The following DNAJC3 variants were observed in gnomAD, a reference collection of about 807,000 sequenced individuals.
DNAJC3 encodes DnaJ heat shock protein family (Hsp40) member C3.
Under a neutral mutation model 68.6 loss-of-function variants are expected in DNAJC3, and 38 were observed. That is an observed-to-expected ratio of 0.55 (90% confidence interval 0.43 to 0.73). DNAJC3 has a LOEUF of 0.73. Ranked by LOEUF, DNAJC3 falls within the 30% of genes least tolerant of loss-of-function variation. The pLI, the probability that DNAJC3 is intolerant of heterozygous loss-of-function variation, is 0.00. For synonymous variants in DNAJC3, 203 were observed against 204.0 expected (o/e 1.00, Z 0.04); for missense variants, 526 against 591.9 (o/e 0.89, Z 1.16).
intron 1 of DNAJC3, chr13:95,693,185 G>A (rs914637323): frequency 4.6e-5 from 7 of 152,164 alleles, no homozygotes; most frequent in African/African-American, 1.7e-4. Flanking sequence ...CAACCTCAAC[G>A]ATGAACAAGA....
At chr13:95,705,554 G>A (rs1305045332) in intron 1 of DNAJC3, among the ~76,000 whole-genome samples, 1 of 150,044 alleles carries the variant, frequency 6.7e-6, no homozygotes, top group Non-Finnish European at 1.5e-5. Flanking sequence ...TCAGAGACAA[G>A]GTTTGCTCTG....
At chr13:95,776,807 A>C (rs1883306112) in intron 9 of DNAJC3, among the ~76,000 whole-genome samples, 1 of 152,088 alleles carries the variant, frequency 6.6e-6, no homozygotes, top group South Asian at 2.1e-4. Flanking sequence ...AATATTACTC[A>C]ATTTATCAGT....
intron 9 of DNAJC3, among the ~76,000 whole-genome samples, chr13:95,781,516 T>G (rs1883453229): frequency 6.6e-6 from 1 of 152,282 alleles, no homozygotes; most frequent in African/African-American, 2.4e-5. Context: ...GCTGTTGTCT[T>G]CAGTGCTACT....
At chr13:95,784,300 C>T (rs764299367) in intron 9 of DNAJC3, among the ~76,000 whole-genome samples, 3 of 152,138 alleles carry the variant, frequency 2.0e-5, no homozygotes, top group Non-Finnish European at 1.5e-5. Context: ...AGAAGACACA[C>T]AGGACTCAGC....
chr13:95,709,239 G>T lies in DNAJC3; in HGVS notation c.95G>T (p.Gly32Val). 1 of 1,562,136 alleles carries T rather than the reference G, an allele frequency of 6.4e-7. No individual in the cohort carries two copies. The highest frequency in any genetic ancestry group is 1.2e-5 in the South Asian group (1 of 80,588). The change falls in exon 2 of 12, where the codon GGA (glycine) becomes GTA (valine). Residue 32 changes from glycine (G) to valine (V), a missense_variant. Gly to Val is a moderately radical substitution (Grantham distance 109). Transcript: ENST00000602402. ...ATTTTATTTTTAGGTGCTGAATGTG[G>T]AGTAAATGCAGATGTTGAGAAACAT... ...VDLQYEGAEC[G>V]VNADVEKHLE...
intron 2 of DNAJC3, among the ~76,000 whole-genome samples, chr13:95,714,878 G>A (rs186797647): frequency 3.2e-4 from 48 of 152,082 alleles, no homozygotes; most frequent in Non-Finnish European, 2.9e-5. Context: ...AACATCAAGG[G>A]CTATGGCATA....
intron 2 of DNAJC3, among the ~76,000 whole-genome samples, chr13:95,721,587 T>G (rs1455910594): frequency 6.6e-6 from 1 of 152,094 alleles, no homozygotes; most frequent in Non-Finnish European, 1.5e-5. Flanking sequence ...TTTATCTTTT[T>G]ATTTTTCATA....
At chr13:95,687,716 C>T (rs1297434162) in intron 1 of DNAJC3, among the ~76,000 whole-genome samples, 2 of 152,168 alleles carry the variant, frequency 1.3e-5, no homozygotes, top group African/African-American at 4.8e-5. Context: ...GTGATACCTC[C>T]AGCTTAGTTC....
chr13:95,761,400 A>T (rs1882815634), intron 7 of DNAJC3, among the ~76,000 whole-genome samples: 1 of 152,186 alleles, frequency 6.6e-6, no homozygotes, highest in South Asian at 2.1e-4. Context: ...GACTGAAAAG[A>T]GTAGAGGGCA....
At chr13:95,748,924 T>C (rs1314337730) in intron 4 of DNAJC3, among the ~76,000 whole-genome samples, 1 of 152,254 alleles carries the variant, frequency 6.6e-6, no homozygotes, top group East Asian at 1.9e-4. Flanking sequence ...AAAGTCATTT[T>C]GGTTATAATT....
intron 11 of DNAJC3, 97 bp from the exon 12 acceptor site, chr13:95,790,776 C>A (rs1032502267): frequency 2.2e-6 from 3 of 1,382,948 alleles, no homozygotes; most frequent in African/African-American, 1.5e-5. Context: ...TAAGTAGCTC[C>A]TCAAGCCCAC....
chr13:95,725,274 C>T (rs923634281), intron 4 of DNAJC3, 22 bp downstream of exon 4: 1 of 1,533,408 alleles, frequency 6.5e-7, no homozygotes, highest in East Asian at 2.3e-5. Flanking sequence ...ATGTATTTGA[C>T]TCTAGGAAGA....
chr13:95,691,431 A>G (rs1221289262), intron 1 of DNAJC3, among the ~76,000 whole-genome samples: 2 of 150,700 alleles, frequency 1.3e-5, no homozygotes, highest in East Asian at 4.0e-4. Flanking sequence ...GGCAGGGCAG[A>G]GGTGCTCCTC....
chr13:95,723,140 T>C (rs1881391105), intron 2 of DNAJC3, 102 bp from the exon 3 acceptor site: 1 of 1,052,908 alleles, frequency 9.5e-7, no homozygotes, highest in African/African-American at 1.6e-5. Flanking sequence ...AATGTCCATC[T>C]TAGTAGAGTT....
intron 4 of DNAJC3, among the ~76,000 whole-genome samples, chr13:95,752,712 C>G (rs2139668190): frequency 6.6e-6 from 1 of 152,258 alleles, no homozygotes; most frequent in Non-Finnish European, 1.5e-5. Context: ...GGTTCTTTAT[C>G]TTTTATCCAT....
intron 4 of DNAJC3, among the ~76,000 whole-genome samples, chr13:95,749,063 T>G (rs916922254): frequency 2.6e-5 from 4 of 152,260 alleles, no homozygotes; most frequent in African/African-American, 9.6e-5. Context: ...AATTATTTTA[T>G]GTACTACTAG....
At chr13:95,767,060 A>G (rs1883013068) in intron 9 of DNAJC3, among the ~76,000 whole-genome samples, 1 of 152,226 alleles carries the variant, frequency 6.6e-6, no homozygotes, top group Non-Finnish European at 1.5e-5. Flanking sequence ...TTACCATCTT[A>G]ACCATTTTTA....
intron 4 of DNAJC3, among the ~76,000 whole-genome samples, chr13:95,732,152 T>C (rs1015497458): frequency 2.6e-5 from 4 of 152,214 alleles, no homozygotes; most frequent in African/African-American, 9.6e-5. Flanking sequence ...CTTTGTTGTG[T>C]CCTTGTCTGG....
chr13:95,687,108 A>G (rs1395315528), intron 1 of DNAJC3, among the ~76,000 whole-genome samples: 3 of 152,028 alleles, frequency 2.0e-5, no homozygotes, highest in Non-Finnish European at 2.9e-5. Flanking sequence ...GTGTTTTCCT[A>G]GGTATTTTAT....
Sources: gnomAD v4.1 joint callset for allele counts (sites outside exome capture counted in the v4.1 genomes callset) on GRCh38, gnomAD v4.1.1 for gene constraint, MANE v1.5 for transcripts, NCBI Gene and HGNC (gene_info 2026-07-23, HGNC 2026-07-21) for gene names.